The following SUCLG2 variants were observed in gnomAD, a reference collection of about 807,000 sequenced individuals.
SUCLG2 encodes the protein succinate--CoA ligase [GDP-forming] subunit beta, mitochondrial.
In SUCLG2, 42 loss-of-function variants were observed where a neutral mutation model predicts 47.9. The observed-to-expected ratio is 0.88, with a 90% CI of 0.69 to 1.14. SUCLG2 has a LOEUF of 1.14. Ranked by LOEUF, SUCLG2 falls within the 50% of genes most tolerant of loss-of-function variation. The pLI is 0.00. For synonymous variants in SUCLG2, 195 were observed against 197.3 expected (o/e 0.99, Z 0.10); for missense variants, 571 against 525.9 (o/e 1.09, Z -0.84).
intron 9 of SUCLG2, among the ~76,000 whole-genome samples, chr3:67,478,705 CA>C (rs1704831714): frequency 1.3e-5 from 2 of 152,062 alleles, no homozygotes. Flanking sequence ...GGGAAAGAAC[CA>C]AAATTAACGA....
At chr3:67,505,760 G>C (rs971971288) in intron 7 of SUCLG2, among the ~76,000 whole-genome samples, 1 of 152,068 alleles carries the variant, frequency 6.6e-6, no homozygotes, top group Non-Finnish European at 1.5e-5. Flanking sequence ...TCAGGAGTTC[G>C]AGACCAGCCT....
At chr3:67,378,197 T>C (rs1213198200) in intron 10 of SUCLG2, among the ~76,000 whole-genome samples, 1 of 152,214 alleles carries the variant, frequency 6.6e-6, no homozygotes, top group Non-Finnish European at 1.5e-5. Context: ...CAAAGATCAA[T>C]CACTCTTGCC....
intron 1 of SUCLG2, among the ~76,000 whole-genome samples, chr3:67,624,103 A>C (rs985822812): frequency 6.6e-6 from 1 of 152,240 alleles, no homozygotes; most frequent in African/African-American, 2.4e-5. Context: ...CTAAGGATCT[A>C]ATAGTGCTTA....
chr3:67,374,270 C>G (rs1300691836), downstream of SUCLG2, among the ~76,000 whole-genome samples: 1 of 152,128 alleles, frequency 6.6e-6, no homozygotes, highest in South Asian at 2.1e-4. Flanking sequence ...AAACATGGCT[C>G]TAAACAATAA....
chr3:67,537,726 G>A (rs1339068616), intron 2 of SUCLG2, among the ~76,000 whole-genome samples: 1 of 152,146 alleles, frequency 6.6e-6, no homozygotes, highest in Non-Finnish European at 1.5e-5. Flanking sequence ...ATCCTCTCCA[G>A]CATCTATTAT....
chr3:67,394,209 T>C (rs915116779), intron 10 of SUCLG2, among the ~76,000 whole-genome samples: 17 of 152,012 alleles, frequency 1.1e-4, no homozygotes, highest in Non-Finnish European at 2.4e-4. Flanking sequence ...AGGATTCAGA[T>C]GATCAAACTA....
In SUCLG2 at chr3:67,400,859, C is replaced by G. The variant is rs373136567; in HGVS notation, c.1063-8G>C. On this transcript the variant is annotated splice_region_variant and splice_polypyrimidine_tract_variant and intron_variant, in intron 9 of 10. Coordinates refer to ENST00000307227, the MANE Select transcript of SUCLG2 (RefSeq NM_003848.4). ...GACAAGGATGGCTTCAACCTGAAAT[C>G]AAAAATAAAAAGTTACCAATCAAAA... 8.8e-5 allele frequency: 141 copies of G among 1,610,776 alleles called. No homozygotes were observed. In the East Asian group the frequency reaches 3.0e-3, roughly 34 times the overall value.
In SUCLG2 at chr3:67,498,411, A is replaced by G. The variant is rs989680960; in HGVS notation, c.758-116T>C. ...GTTAAGTACTGTCATTTTTTTTCAC[A>G]TGTTACAGGCAGGAGAGGCTGCTTT... On this transcript the variant is annotated intron_variant, in intron 7 of 10. Coordinates refer to ENST00000307227, the MANE Select transcript of SUCLG2 (RefSeq NM_003848.4). 1.4e-5 allele frequency: 16 copies of G among 1,133,868 alleles called. No individual in the cohort carries two copies. In the Middle Eastern group the frequency reaches 7.6e-4, roughly 54 times the overall value. 70.2% of individuals were successfully genotyped at this position (1,133,868 alleles called of 1,614,324 possible). A position where few individuals can be genotyped will look rare whatever the true frequency, so the allele number is the denominator to read the frequency against.
chr3:67,592,244 A>G (rs2107279601), intron 2 of SUCLG2, among the ~76,000 whole-genome samples: 1 of 152,326 alleles, frequency 6.6e-6, no homozygotes, highest in Admixed American at 6.5e-5. Context: ...CAGAGTGAAG[A>G]ACTGCCAGGA....
At chr3:67,615,633 C>T (rs1433282869) in intron 1 of SUCLG2, among the ~76,000 whole-genome samples, 3 of 151,602 alleles carry the variant, frequency 2.0e-5, no homozygotes, top group Non-Finnish European at 4.4e-5. Context: ...CACACACACA[C>T]ACACACACAC....
intron 9 of SUCLG2, among the ~76,000 whole-genome samples, chr3:67,429,104 C>G (rs1168897777): frequency 1.3e-5 from 2 of 152,106 alleles, no homozygotes; most frequent in Non-Finnish European, 1.5e-5. Context: ...CAGAGAATGC[C>G]ACAAAGATAC....
chr3:67,368,901 C>T (rs565999413), intron 10 of SUCLG2, among the ~76,000 whole-genome samples: 4 of 152,166 alleles, frequency 2.6e-5, no homozygotes, highest in African/African-American at 2.4e-5. Context: ...CCACCAGGCC[C>T]GGCTGGCATT....
intron 1 of SUCLG2, among the ~76,000 whole-genome samples, chr3:67,649,409 T>TA (rs1701247541): frequency 6.6e-6 from 1 of 152,220 alleles, no homozygotes; most frequent in South Asian, 2.1e-4. Flanking sequence ...TCAGAAAATA[T>TA]TTGCTACATA....
intron 9 of SUCLG2, among the ~76,000 whole-genome samples, chr3:67,403,057 A>T (rs186649174): frequency 3.0e-4 from 46 of 152,280 alleles, no homozygotes; most frequent in Non-Finnish European, 4.6e-4. Flanking sequence ...AGTTCCCATG[A>T]GTCTCTCATG....
intron 10 of SUCLG2, among the ~76,000 whole-genome samples, chr3:67,393,648 C>T (rs987885149): frequency 6.6e-6 from 1 of 152,230 alleles, no homozygotes; most frequent in Non-Finnish European, 1.5e-5. Flanking sequence ...ATGTCCCTGT[C>T]TGACAGCTTT....
At chr3:67,547,215 T>C (rs1026275638) in intron 2 of SUCLG2, among the ~76,000 whole-genome samples, 1 of 152,102 alleles carries the variant, frequency 6.6e-6, no homozygotes, top group Non-Finnish European at 1.5e-5. Context: ...TAGAAGGCAA[T>C]ATGTGTTAAG....
intron 2 of SUCLG2, among the ~76,000 whole-genome samples, chr3:67,532,465 T>C (rs1559560648): frequency 6.6e-6 from 1 of 152,280 alleles, no homozygotes. Flanking sequence ...CATTGATAAT[T>C]ATATTATTGG....
chr3:67,400,595 C>T, intron 10 of SUCLG2, 136 bp downstream of exon 10: 1 of 1,247,046 alleles, frequency 8.0e-7, no homozygotes, highest in Non-Finnish European at 1.1e-6. Flanking sequence ...GGAAGTCCTG[C>T]CGTACTGTGT....
chr3:67,568,785 G>A (rs1318830331), intron 2 of SUCLG2, among the ~76,000 whole-genome samples: 1 of 152,186 alleles, frequency 6.6e-6, no homozygotes, highest in Non-Finnish European at 1.5e-5. Flanking sequence ...TACTGGGGAG[G>A]CTGAGGCAGG....
Sources: allele counts gnomAD v4.1 joint callset (sites outside exome capture counted in the v4.1 genomes callset), GRCh38; gene constraint gnomAD v4.1.1; transcripts MANE v1.5; gene names NCBI Gene and HGNC (gene_info 2026-07-23, HGNC 2026-07-21).